GREB1: variants seen among roughly 807,000 people sequenced by gnomAD.
GREB1 encodes growth regulating estrogen receptor binding 1, also known as protein GREB1.
In GREB1, 106 loss-of-function variants were observed where a neutral mutation model predicts 200.7. The observed-to-expected ratio is 0.53, with a 90% CI of 0.45 to 0.62. The LOEUF (loss-of-function observed/expected upper bound fraction) is 0.62, where lower values mean the gene tolerates loss of function less well. GREB1 is among the 20% of genes least tolerant of loss of function. The pLI is 0.00. For synonymous variants in GREB1, 1,132 were observed against 1,092.4 expected (o/e 1.04, Z -0.72); for missense variants, 2,243 against 2,556.8 (o/e 0.88, Z 2.65).
Position 11,576,552 on chromosome 2 carries a change from T to G in GREB1, c.637+17T>G. 6.2e-7 allele frequency: 1 copy of G among 1,606,738 alleles called. No homozygotes were observed. Among genetic ancestry groups the G allele is most frequent in the Non-Finnish European group, 8.5e-7 (1 of 1,175,972 alleles). The stretch of plus-strand genomic sequence containing the variant: ...AAGGCTCAGGTGAGCAGGTTGGCTG[T>G]GGAGGAGGTATGGGAGTGCTGGGCC... On this transcript the variant is annotated intron_variant, in intron 5 of 32. Transcript: ENST00000381486.
rs1309553074 is a variant in GREB1, at chr2:11,638,690, G to A, written c.5567G>A (p.Ser1856Asn). The A allele has an allele frequency of 5.6e-6, 9 of 1,613,596 alleles. No individual in the cohort carries two copies. Among genetic ancestry groups the A allele is most frequent in the Middle Eastern group, 1.7e-4 (1 of 6,060 alleles). ...TTTCAGATTTCTGTTTGCTATGTGA[G>A]CTCCAGGCCCCACTCTTTAAACATC... is the stretch of plus-strand genomic sequence containing the variant. Reference protein sequence around the residue: ...LGSQISVCYVSSRPHSLNISC... With the variant: ...LGSQISVCYVNSRPHSLNISC... Residue 1856 changes from serine (S) to asparagine (N), a missense_variant, in exon 32 of 33, where the codon AGC (serine) becomes AAC (asparagine). Transcript: ENST00000381486.
At chr2:11,600,088 T>A (rs577106927) in intron 15 of GREB1, among the ~76,000 whole-genome samples, 21 of 152,306 alleles carry the variant, frequency 1.4e-4, no homozygotes, top group African/African-American at 5.1e-4. Flanking sequence ...GGTCAGGACA[T>A]GAAGGACCTC....
At chr2:11,523,025 C>T (rs188766106) in intron 1 of GREB1, among the ~76,000 whole-genome samples, 2 of 152,320 alleles carry the variant, frequency 1.3e-5, no homozygotes, top group Admixed American at 1.3e-4. Context: ...GGTACAGATA[C>T]ACCATGGAAT....
chr2:11,497,971 CTT>C (rs70955803), intron 1 of GREB1, among the ~76,000 whole-genome samples: 123 of 40,526 alleles, frequency 3.0e-3, no homozygotes, highest in East Asian at 4.0e-3. Context: ...CAGAGCAAAA[CTT>C]TTTTTTTTTT....
intron 7 of GREB1, among the ~76,000 whole-genome samples, chr2:11,581,830 C>G (rs1407222950): frequency 6.6e-6 from 1 of 152,224 alleles, no homozygotes; most frequent in Non-Finnish European, 1.5e-5. Flanking sequence ...TGCTCCCACT[C>G]CACTGTGCTG....
chr2:11,546,616 A>G (rs1211651336), intron 1 of GREB1, among the ~76,000 whole-genome samples: 1 of 152,210 alleles, frequency 6.6e-6, no homozygotes, highest in Non-Finnish European at 1.5e-5. Context: ...GCTCTGTAAT[A>G]GGGACTTTAC....
intron 17 of GREB1, among the ~76,000 whole-genome samples, chr2:11,606,607 T>C (rs971331778): frequency 4.6e-5 from 7 of 152,098 alleles, no homozygotes; most frequent in African/African-American, 1.7e-4. Context: ...AGTGTTACTA[T>C]AGATTATAAT....
chr2:11,558,345 G>A (rs1676642419), intron 2 of GREB1, among the ~76,000 whole-genome samples: 1 of 152,218 alleles, frequency 6.6e-6, no homozygotes, highest in Non-Finnish European at 1.5e-5. Flanking sequence ...CTTTAACTGG[G>A]AGGCTGTGTC....
intron 7 of GREB1, among the ~76,000 whole-genome samples, chr2:11,584,479 C>G (rs1263443247): frequency 6.6e-6 from 1 of 152,068 alleles, no homozygotes; most frequent in Non-Finnish European, 1.5e-5. Flanking sequence ...ATACTGCTGC[C>G]GCCTGTCTGC....
At chr2:11,630,277 C>G (rs1186480163) in intron 26 of GREB1, among the ~76,000 whole-genome samples, 168 bp downstream of exon 26, 1 of 152,214 alleles carries the variant, frequency 6.6e-6, no homozygotes, top group Non-Finnish European at 1.5e-5. Flanking sequence ...CAATTCAAGC[C>G]TCAGCCTTGC....
chr2:11,488,626 A>G (rs957302095), intron 1 of GREB1, among the ~76,000 whole-genome samples: 18 of 152,162 alleles, frequency 1.2e-4, no homozygotes, highest in South Asian at 8.3e-4. Context: ...CTCTGTCTCT[A>G]TTAAAAATGT....
intron 4 of GREB1, among the ~76,000 whole-genome samples, chr2:11,572,363 G>A (rs1313360472): frequency 1.3e-5 from 2 of 152,230 alleles, no homozygotes; most frequent in East Asian, 1.9e-4. Context: ...GGTTTTGTGG[G>A]AGGACTCCTC....
rs1166291266 is a variant in GREB1 at position 11,585,246 on chromosome 2, C to G, written c.987C>G (p.Pro329=). 1 of 1,569,448 alleles carries G rather than the reference C, an allele frequency of 6.4e-7. No individual in the cohort carries two copies. The highest frequency in any genetic ancestry group is 1.2e-5 in the South Asian group (1 of 83,774). ...CATCAGCTCCAGATGGTGGCTGCCCCCAAGGTGGTGGGAACAGAGCTAAGT... is the reference window on the plus strand; with the variant it reads ...CATCAGCTCCAGATGGTGGCTGCCCGCAAGGTGGTGGGAACAGAGCTAAGT... The part of the protein sequence containing the change: ...ESPSAPDGGC[P]QGGGNRAKYE... The change falls in exon 8 of 33, where the codon CCC becomes CCG. Residue 329 remains proline (P), a synonymous_variant. Transcript: ENST00000381486.
chr2:11,538,619 TTC>T (rs983775996), intron 1 of GREB1, among the ~76,000 whole-genome samples: 1 of 10,654 alleles, frequency 9.4e-5, no homozygotes, highest in African/African-American at 1.8e-4. Context: ...GTTTCTTTCT[TTC>T]TTTCTTTCTT....
intron 22 of GREB1, among the ~76,000 whole-genome samples, chr2:11,620,607 C>G (rs1207229026): frequency 6.6e-6 from 1 of 152,004 alleles, no homozygotes; most frequent in Non-Finnish European, 1.5e-5. Context: ...TTTTTTGAAG[C>G]AGCTTGCTTT....
chr2:11,500,734 G>A (rs1292527734), intron 1 of GREB1, among the ~76,000 whole-genome samples: 2 of 152,202 alleles, frequency 1.3e-5, no homozygotes, highest in Non-Finnish European at 2.9e-5. Flanking sequence ...TTCAGCAGTT[G>A]GGAAAGCGGA....
At chr2:11,607,727 C>T (rs761863409) in intron 17 of GREB1, among the ~76,000 whole-genome samples, 8 of 151,684 alleles carry the variant, frequency 5.3e-5, no homozygotes, top group Non-Finnish European at 1.2e-4. Flanking sequence ...GATGTACATA[C>T]ACATTGATGA....
At chr2:11,626,847 C>A in intron 24 of GREB1, 115 bp from the exon 25 acceptor site, 2 of 1,093,536 alleles carry the variant, frequency 1.8e-6, no homozygotes, top group Non-Finnish European at 2.7e-6. Flanking sequence ...CCTCCCCAAC[C>A]AGACAGAATC....
chr2:11,623,346 TTTATTATAG>T (rs1282139988), intron 23 of GREB1, among the ~76,000 whole-genome samples: 1 of 152,214 alleles, frequency 6.6e-6, no homozygotes, highest in African/African-American at 2.4e-5. Context: ...TTACCATACT[TTTATTATAG>T]TATACACCTT....
Sources: gnomAD v4.1 joint callset for allele counts (sites outside exome capture counted in the v4.1 genomes callset) on GRCh38, gnomAD v4.1.1 for gene constraint, MANE v1.5 for transcripts, NCBI Gene and HGNC (gene_info 2026-07-23, HGNC 2026-07-21) for gene names.